PLEKHB2: variants seen among roughly 807,000 people sequenced by gnomAD.
PLEKHB2 encodes the protein pleckstrin homology domain-containing family B member 2.
Under a neutral mutation model 36.5 loss-of-function variants are expected in PLEKHB2, and 31 were observed. The observed-to-expected ratio is 0.85, with a 90% CI of 0.64 to 1.15. PLEKHB2 has a LOEUF of 1.15. Among genes scored for constraint, PLEKHB2 ranks in the 50% most tolerant of loss-of-function variants. PLEKHB2 has a pLI of 0.00. For synonymous variants in PLEKHB2, 119 were observed against 112.0 expected (o/e 1.06, Z -0.39); for missense variants, 262 against 295.3 (o/e 0.89, Z 0.83).
chr2:131,122,548 G>A (rs533697777), intron 2 of PLEKHB2, among the ~76,000 whole-genome samples: 2 of 152,226 alleles, frequency 1.3e-5, no homozygotes, highest in Non-Finnish European at 2.9e-5. Context: ...CACAACAGCT[G>A]TATGAGAGGT....
At position 131,146,983 on chromosome 2, in the gene PLEKHB2, G is replaced by A; in HGVS notation, c.*210G>A. 1 of 419,472 alleles carries A rather than the reference G, an allele frequency of 2.4e-6. No individual in the cohort carries two copies. Among genetic ancestry groups the A allele is most frequent in the Non-Finnish European group, 4.2e-6 (1 of 238,486 alleles). 26.0% of individuals were successfully genotyped at this position (419,472 alleles called of 1,614,324 possible). On this transcript the variant is annotated 3_prime_UTR_variant, in exon 8 of 8. Transcript: ENST00000693505. ...TTGTTCAAATGTTGACTCTCCGGGGGCACTGGCTCATTCCAAGACTGTTCT... is the reference window on the plus strand; with the variant it reads ...TTGTTCAAATGTTGACTCTCCGGGGACACTGGCTCATTCCAAGACTGTTCT...
intron 1 of PLEKHB2, among the ~76,000 whole-genome samples, chr2:131,112,588 A>G (rs1695442341): frequency 6.6e-6 from 1 of 152,212 alleles, no homozygotes; most frequent in Non-Finnish European, 1.5e-5. Flanking sequence ...GAGTAGCAAC[A>G]GTTAGAAGTG....
chr2:131,119,045 A>C (rs1185370246), intron 1 of PLEKHB2: 4 of 151,810 alleles, frequency 2.6e-5, no homozygotes, highest in African/African-American at 9.7e-5. Context: ...ACCTGAGGTC[A>C]GGAGTTCGAG....
intron 1 of PLEKHB2, among the ~76,000 whole-genome samples, chr2:131,112,826 G>A (rs1182657737): frequency 6.6e-6 from 1 of 152,188 alleles, no homozygotes; most frequent in African/African-American, 2.4e-5. Flanking sequence ...AACCCTGAGC[G>A]TGGCTGGGGC....
At chr2:131,114,833 G>T (rs994047805) in intron 1 of PLEKHB2, among the ~76,000 whole-genome samples, 1 of 152,192 alleles carries the variant, frequency 6.6e-6, no homozygotes, top group African/African-American at 2.4e-5. Flanking sequence ...TCTCTAGGAA[G>T]TTCCAAACTT....
chr2:131,147,114 C>T lies in PLEKHB2; in HGVS notation c.*341C>T, dbSNP rs187970222. ...GGGTTAATTTATTTTCATGTTATGC[C>T]AGTAATATAGTGTTGTATGCCTATT... On this transcript the variant is annotated 3_prime_UTR_variant, in exon 8 of 8. Transcript: ENST00000693505. 146 of 173,374 alleles carry T rather than the reference C, an allele frequency of 8.4e-4. 1 individual carries two copies. Among genetic ancestry groups the T allele is most frequent in the Middle Eastern group, 4.7e-3 (2 of 428 alleles). The allele number at this position is 173,374 out of a possible 1,614,324, so 10.7% of individuals were successfully genotyped here.
At chr2:131,109,476 G>A (rs1217470873) in intron 1 of PLEKHB2, among the ~76,000 whole-genome samples, 2 of 152,010 alleles carry the variant, frequency 1.3e-5, no homozygotes, top group African/African-American at 4.8e-5. Context: ...GATCCCCTGA[G>A]GTCAGGAGTT....
chr2:131,144,922 A>G (rs1195372274), intron 7 of PLEKHB2, among the ~76,000 whole-genome samples: 2 of 152,272 alleles, frequency 1.3e-5, no homozygotes, highest in Admixed American at 1.3e-4. Context: ...CAGGGCTGTG[A>G]AAGTAAATGC....
chr2:131,134,695 A>C (rs1293999768), intron 6 of PLEKHB2, among the ~76,000 whole-genome samples: 1 of 152,160 alleles, frequency 6.6e-6, no homozygotes, highest in Admixed American at 6.5e-5. Context: ...TGTTTTAGCT[A>C]TTCTGGTTCC....
chr2:131,130,730 A>G lies in PLEKHB2; in HGVS notation c.303A>G (p.Lys101=), dbSNP rs1401615388. The G allele has an allele frequency of 6.2e-7, 1 of 1,610,784 alleles. No homozygotes were observed. The highest frequency in any genetic ancestry group is 2.2e-5 in the East Asian group (1 of 44,864). The change falls in exon 5 of 8, where the codon AAA becomes AAG. Residue 101 remains lysine, a synonymous_variant. Transcript: ENST00000693505. ...AESTDDCLAW[K]FTLQDSRTNT... ...TTTTTCTTTTCTCCAGGGCCTGGAAATTTACACTCCAAGATTCTAGGACAA... is the reference window on the plus strand; with the variant it reads ...TTTTTCTTTTCTCCAGGGCCTGGAAGTTTACACTCCAAGATTCTAGGACAA...
In PLEKHB2 at chr2:131,149,267, CT is replaced by C. The variant is rs961098237; in HGVS notation, c.*2498del. On this transcript the variant is annotated 3_prime_UTR_variant, in exon 8 of 8. Coordinates refer to ENST00000693505, the MANE Select transcript of PLEKHB2 (RefSeq NM_001100623.2). Reference sequence around the variant, plus strand: ...GATAGCCTCAGTTTCTCAACGATGTCTTTTGTTTACAGTGCTACACTTAGTG... The same window carrying C: ...GATAGCCTCAGTTTCTCAACGATGTCTTTGTTTACAGTGCTACACTTAGTG... 3 of 152,224 alleles carry C rather than the reference CT, an allele frequency of 2.0e-5. No homozygotes were observed. Among genetic ancestry groups the C allele is most frequent in the African/African-American group, 7.2e-5 (3 of 41,458 alleles). 9.4% of individuals were successfully genotyped at this position (152,224 alleles called of 1,614,324 possible).
At chr2:131,133,516 T>C (rs1484430572) in intron 6 of PLEKHB2, among the ~76,000 whole-genome samples, 3 of 152,230 alleles carry the variant, frequency 2.0e-5, no homozygotes, top group Non-Finnish European at 2.9e-5. Flanking sequence ...GAGAGTCTCA[T>C]GTGCTTTTTA....
chr2:131,123,890 C>T (rs1000394134), intron 2 of PLEKHB2, among the ~76,000 whole-genome samples: 43 of 149,902 alleles, frequency 2.9e-4, no homozygotes, highest in Non-Finnish European at 4.4e-5. Flanking sequence ...GCTCTGTTGC[C>T]TAGGCTGGAG....
chr2:131,142,081 T>C (rs901919289), intron 7 of PLEKHB2, among the ~76,000 whole-genome samples: 47 of 152,218 alleles, frequency 3.1e-4, no homozygotes, highest in African/African-American at 1.1e-3. Flanking sequence ...CCACACCCCC[T>C]CTCACTCTGG....
intron 7 of PLEKHB2, among the ~76,000 whole-genome samples, chr2:131,142,541 A>T (rs1698896679): frequency 2.1e-5 from 3 of 143,188 alleles, no homozygotes; most frequent in Admixed American, 6.9e-5. Flanking sequence ...TTTTGTTCTT[A>T]TTGAATATGC....
rs1364783509 is a variant in PLEKHB2, at chr2:131,148,654, T to G, written c.*1881T>G. 6.6e-6 allele frequency: 1 copy of G among 152,220 alleles called. No homozygotes were observed. The highest frequency in any genetic ancestry group is 6.5e-5 in the Admixed American group (1 of 15,290). 9.4% of individuals were successfully genotyped at this position (152,220 alleles called of 1,614,324 possible). A position where few individuals can be genotyped will look rare whatever the true frequency, so the allele number is the denominator to read the frequency against. ...GCGAGACACCAGAGACACCTAGTGA[T>G]GACCACGGGTCTGCTTTTCTCTCTG... On this transcript the variant is annotated 3_prime_UTR_variant, in exon 8 of 8. Transcript: ENST00000693505.
chr2:131,116,383 C>G lies in PLEKHB2; in HGVS notation c.-8-4551C>G, dbSNP rs1490294277. On this transcript the variant is annotated intron_variant, in intron 1 of 7. Coordinates refer to ENST00000693505, the MANE Select transcript of PLEKHB2 (RefSeq NM_001100623.2). ...TAGGCACAACATTCGTTGTATTAGTCTGTTCTCATACTCCTTTAAAGAACT... is the reference window on the plus strand; with the variant it reads ...TAGGCACAACATTCGTTGTATTAGTGTGTTCTCATACTCCTTTAAAGAACT... Among the ~76,000 whole-genome samples the G allele has an allele frequency of 5.3e-5, 8 of 152,316 alleles. No individual in the cohort carries two copies. The South Asian group carries it at 1.7e-3, about 32-fold the overall frequency.
At chr2:131,124,614 A>G (rs551451306) in intron 2 of PLEKHB2, among the ~76,000 whole-genome samples, 104 of 152,322 alleles carry the variant, frequency 6.8e-4, no homozygotes, top group East Asian at 2.3e-3. Flanking sequence ...GTGAGGTAGT[A>G]GGATGTGCAC....
rs1342596379 is a variant in PLEKHB2, at chr2:131,147,771, C to T, written c.*998C>T. 1.4e-5 allele frequency: 2 copies of T among 147,170 alleles called. No homozygotes were observed. The highest frequency in any genetic ancestry group is 5.2e-5 in the African/African-American group (2 of 38,334). 9.1% of individuals were successfully genotyped at this position (147,170 alleles called of 1,614,324 possible). A position where few individuals can be genotyped will look rare whatever the true frequency, so the allele number is the denominator to read the frequency against. On this transcript the variant is annotated 3_prime_UTR_variant, in exon 8 of 8. Coordinates refer to ENST00000693505, the MANE Select transcript of PLEKHB2 (RefSeq NM_001100623.2). Reference sequence around the variant, plus strand: ...CAAGATAGTGCCACTGCACTTCAGCCTGGGTGACAGAGTGAGACTCTGTCT... The same window carrying T: ...CAAGATAGTGCCACTGCACTTCAGCTTGGGTGACAGAGTGAGACTCTGTCT...
Sources: allele counts gnomAD v4.1 joint callset (sites outside exome capture counted in the v4.1 genomes callset), GRCh38; gene constraint gnomAD v4.1.1; transcripts MANE v1.5; gene names NCBI Gene and HGNC (gene_info 2026-07-23, HGNC 2026-07-21).